Variants in CACNG3 observed in about 807,000 individuals in gnomAD.
CACNG3 encodes calcium voltage-gated channel auxiliary subunit gamma 3, also known as voltage-dependent calcium channel gamma-3 subunit.
CACNG3 carries 3 observed loss-of-function variants against 28.5 expected under a neutral mutation model. The observed-to-expected ratio is 0.11, with a 90% CI of 0.05 to 0.27. The LOEUF is 0.27. CACNG3 is among the 10% of genes least tolerant of loss of function. The pLI is 1.00. For missense variants in CACNG3, 236 were observed against 414.4 expected, an observed-to-expected ratio of 0.57 and a Z score of 3.74; for synonymous variants, 174 against 162.2, an observed-to-expected ratio of 1.07 and a Z score of -0.55.
chr16:24,263,949 G>A (rs1163690950), intron 1 of CACNG3, among the ~76,000 whole-genome samples: 1 of 152,172 alleles, frequency 6.6e-6, no homozygotes, highest in Non-Finnish European at 1.5e-5. Context: ...TAATGATTGA[G>A]TGCTGGATTG....
intron 1 of CACNG3, among the ~76,000 whole-genome samples, chr16:24,332,895 C>T (rs775735791): frequency 1.4e-4 from 21 of 151,918 alleles, no homozygotes; most frequent in African/African-American, 2.9e-4. Flanking sequence ...GACAAAACAA[C>T]GAAAATAGGA....
chr16:24,347,723 G>A (rs1052283100), intron 2 of CACNG3, among the ~76,000 whole-genome samples: 37 of 152,320 alleles, frequency 2.4e-4, no homozygotes, highest in African/African-American at 8.4e-4. Context: ...GACATGAACC[G>A]TCACAACTAC....
chr16:24,321,813 G>A (rs539245968), intron 1 of CACNG3, among the ~76,000 whole-genome samples: 1 of 152,288 alleles, frequency 6.6e-6, no homozygotes, highest in South Asian at 2.1e-4. Context: ...TAACTTTCAT[G>A]ATGATATACT....
chr16:24,272,019 G>T (rs929255066), intron 1 of CACNG3, among the ~76,000 whole-genome samples: 7 of 152,094 alleles, frequency 4.6e-5, no homozygotes, highest in Non-Finnish European at 7.4e-5. Context: ...TCCTTAAGCA[G>T]AGGGGAAAGA....
Position 24,256,999 on chromosome 16 carries a change from A to C in CACNG3, c.211+34A>C, listed in dbSNP as rs1255549370. On this transcript the variant is annotated intron_variant, in intron 1 of 3. Transcript: ENST00000005284. This position sits in a 1 kb window ranked among gnomAD's most constrained non-coding sequence, Gnocchi z 4.6. ...AATTTCCTCTCAATAGCTCTGAATAATCCAGTTCTGATATTCTGGTGGGTG... is the reference window on the plus strand; with the variant it reads ...AATTTCCTCTCAATAGCTCTGAATACTCCAGTTCTGATATTCTGGTGGGTG... 1 of 1,309,814 alleles carries C rather than the reference A, an allele frequency of 7.6e-7. No individual in the cohort carries two copies. Among genetic ancestry groups the C allele is most frequent in the South Asian group, 1.2e-5 (1 of 84,622 alleles). The allele number at this position is 1,309,814 out of a possible 1,614,324, so 81.1% of individuals were successfully genotyped here.
At chr16:24,292,447 C>T (rs143093903) in intron 1 of CACNG3, among the ~76,000 whole-genome samples, 2 of 152,320 alleles carry the variant, frequency 1.3e-5, no homozygotes, top group African/African-American at 4.8e-5. Context: ...GACATAAAGA[C>T]AGCCTAGTCT....
intron 1 of CACNG3, among the ~76,000 whole-genome samples, chr16:24,313,043 G>A (rs549439090): frequency 6.8e-6 from 1 of 146,144 alleles, no homozygotes; most frequent in East Asian, 2.0e-4. Context: ...AGAAGAGAAA[G>A]AGAGGGAGAG....
intron 1 of CACNG3, among the ~76,000 whole-genome samples, chr16:24,268,103 C>T (rs528985642): frequency 9.8e-5 from 15 of 152,320 alleles, no homozygotes; most frequent in Admixed American, 3.3e-4. Flanking sequence ...ATAGATACTA[C>T]TATTACCTCC....
chr16:24,348,032 GT>G (rs995402978), intron 2 of CACNG3, among the ~76,000 whole-genome samples: 5 of 152,126 alleles, frequency 3.3e-5, no homozygotes, highest in African/African-American at 1.2e-4. Context: ...CCTTCCATTG[GT>G]CAAGGCACAG....
Position 24,361,996 on chromosome 16 carries a change from C to T in CACNG3, c.*133C>T. 2.2e-6 allele frequency: 2 copies of T among 891,958 alleles called. No individual in the cohort carries two copies. Among genetic ancestry groups the T allele is most frequent in the Non-Finnish European group, 3.3e-6 (2 of 607,480 alleles). 55.3% of individuals were successfully genotyped at this position (891,958 alleles called of 1,614,324 possible). Reference sequence around the variant, plus strand: ...AAGAATGAAACCAAATGGACTCAGCCCTCTCCCACATTTTCCCCTCACCCT... The same window carrying T: ...AAGAATGAAACCAAATGGACTCAGCTCTCTCCCACATTTTCCCCTCACCCT... On this transcript the variant is annotated 3_prime_UTR_variant, in exon 4 of 4. Coordinates refer to ENST00000005284, the MANE Select transcript of CACNG3 (RefSeq NM_006539.4). This position sits in a 1 kb window ranked among gnomAD's most constrained non-coding sequence, Gnocchi z 6.8.
chr16:24,285,845 C>CTTTTTTTT (rs11406086), intron 1 of CACNG3, among the ~76,000 whole-genome samples: 2 of 131,636 alleles, frequency 1.5e-5, no homozygotes, highest in African/African-American at 5.7e-5. Flanking sequence ...TCTTTCTTTT[C>CTTTTTTTT]TTTTTTTTTT....
chr16:24,278,532 C>T (rs1370325955), intron 1 of CACNG3, among the ~76,000 whole-genome samples: 2 of 152,128 alleles, frequency 1.3e-5, no homozygotes, highest in Admixed American at 1.3e-4. Flanking sequence ...AGGAGAATTG[C>T]TTGAACCTGG....
At chr16:24,347,761 G>T (rs1899889176) in intron 2 of CACNG3, among the ~76,000 whole-genome samples, 1 of 152,224 alleles carries the variant, frequency 6.6e-6, no homozygotes, top group Admixed American at 6.5e-5. Flanking sequence ...AGAATGTGGT[G>T]GCTTTGAGCC....
At chr16:24,328,614 G>A (rs1308457770) in intron 1 of CACNG3, among the ~76,000 whole-genome samples, 1 of 151,874 alleles carries the variant, frequency 6.6e-6, no homozygotes, top group Admixed American at 6.6e-5. Flanking sequence ...ATATAAACAA[G>A]ATATTTCGCA....
intron 1 of CACNG3, among the ~76,000 whole-genome samples, chr16:24,319,856 C>T (rs1031852606): frequency 2.6e-4 from 39 of 152,048 alleles, no homozygotes; most frequent in African/African-American, 3.1e-4. Flanking sequence ...CTACAACCTC[C>T]GCCTCATGGG....
In CACNG3 at chr16:24,256,416, C is replaced by G. The variant is rs1596617069; in HGVS notation, c.-339C>G. On this transcript the variant is annotated 5_prime_UTR_variant, in exon 1 of 4. Transcript: ENST00000005284. This position sits in a 1 kb window ranked among gnomAD's most constrained non-coding sequence, Gnocchi z 4.6. ...GAAGCCAGGCGCATCTCAAACCGAG[C>G]TGGCAGCTCCAGGCTCCGGAGCCAT... is the stretch of plus-strand genomic sequence containing the variant. 7 of 291,622 alleles carry G rather than the reference C, an allele frequency of 2.4e-5. No individual in the cohort carries two copies. The East Asian group carries it at 5.4e-4, about 23-fold the overall frequency. 18.1% of individuals were successfully genotyped at this position (291,622 alleles called of 1,614,324 possible).
At chr16:24,313,552 A>T (rs1325432195) in intron 1 of CACNG3, among the ~76,000 whole-genome samples, 2 of 152,140 alleles carry the variant, frequency 1.3e-5, no homozygotes, top group Non-Finnish European at 2.9e-5. Flanking sequence ...TGGCACGATC[A>T]TAGCTCACTA....
At position 24,346,826 on chromosome 16, in the gene CACNG3, C is replaced by T. The variant is rs1899875245; in HGVS notation, c.295+9C>T. The T allele has an allele frequency of 1.2e-6, 2 of 1,611,566 alleles. No homozygotes were observed. Among genetic ancestry groups the T allele is most frequent in the Non-Finnish European group, 1.7e-6 (2 of 1,177,810 alleles). On this transcript the variant is annotated intron_variant, in intron 2 of 3. Transcript: ENST00000005284. ...AGCCGAATATCTCCTGCGTAAGTTC[C>T]CCGGCTTCTCGGGTCTCTCTGGGAG...
intron 2 of CACNG3, among the ~76,000 whole-genome samples, chr16:24,351,521 G>A (rs541671753): frequency 8.7e-5 from 13 of 148,742 alleles, no homozygotes; most frequent in East Asian, 2.0e-4. Flanking sequence ...GCAGTGAGCC[G>A]GATCGCACTA....
Sources: gnomAD v4.1 joint callset for allele counts (sites outside exome capture counted in the v4.1 genomes callset) on GRCh38, gnomAD v4.1.1 for gene constraint, Gnocchi (gnomAD v3.1) non-coding constraint, MANE v1.5 for transcripts, NCBI Gene and HGNC (gene_info 2026-07-23, HGNC 2026-07-21) for gene names.